Variants in MYO6 observed in about 807,000 individuals in gnomAD.
The protein encoded by MYO6 is unconventional myosin-VI.
In MYO6, 74 loss-of-function variants were observed where a neutral mutation model predicts 178.7. The ratio of observed to expected loss-of-function variants is 0.41; its 90% confidence interval spans 0.34 to 0.50. The LOEUF is 0.50. Ranked by LOEUF, MYO6 falls within the 20% of genes least tolerant of loss-of-function variation. The probability of loss-of-function intolerance (pLI) is 0.09; values close to 1 mark genes in which losing one functional copy is unlikely to be tolerated. For missense variants in MYO6, 1,330 were observed against 1,547.4 expected (o/e 0.86, Z 2.36); for synonymous variants, 477 against 504.6 (o/e 0.95, Z 0.73).
chr6:75,898,661 T>A (rs778936196), intron 30 of MYO6, among the ~76,000 whole-genome samples: 1 of 152,162 alleles, frequency 6.6e-6, no homozygotes, highest in Non-Finnish European at 1.5e-5. Flanking sequence ...CCCTTGGCAG[T>A]GGAACTCTAC....
chr6:75,828,682 T>C, intron 4 of MYO6, 69 bp downstream of exon 4: 1 of 1,034,952 alleles, frequency 9.7e-7, no homozygotes, highest in Non-Finnish European at 1.5e-6. Flanking sequence ...TTTGATTTTG[T>C]CACGCTTGAA....
At chr6:75,864,273 A>G (rs530605562) in intron 16 of MYO6, among the ~76,000 whole-genome samples, 1 of 152,344 alleles carries the variant, frequency 6.6e-6, no homozygotes, top group East Asian at 1.9e-4. Context: ...GTTTCTATTC[A>G]TCATTAACAA....
At chr6:75,788,462 T>C (rs186437764) in intron 1 of MYO6, among the ~76,000 whole-genome samples, 2 of 152,314 alleles carry the variant, frequency 1.3e-5, no homozygotes, top group East Asian at 1.9e-4. Context: ...CTTTCTCACC[T>C]TTATTCCCAC....
chr6:75,768,887 A>T (rs1398367969), intron 1 of MYO6, among the ~76,000 whole-genome samples: 1 of 152,226 alleles, frequency 6.6e-6, no homozygotes, highest in Non-Finnish European at 1.5e-5. Flanking sequence ...AGGGTTCTGT[A>T]GGATGTAGAA....
chr6:75,795,221 G>A (rs77110705), intron 1 of MYO6, among the ~76,000 whole-genome samples: 2,641 of 152,284 alleles, frequency 0.017, 72 homozygotes, highest in African/African-American at 0.06. Context: ...ATCATCCTAT[G>A]TTGGTGGTTA....
chr6:75,826,131 T>A (rs1772441622), intron 3 of MYO6, among the ~76,000 whole-genome samples: 1 of 152,184 alleles, frequency 6.6e-6, no homozygotes, highest in Admixed American at 6.5e-5. Flanking sequence ...CTTGTGGACA[T>A]ACCTAGGTCA....
At chr6:75,901,158 C>G (rs541363049) in intron 30 of MYO6, among the ~76,000 whole-genome samples, 1 of 152,126 alleles carries the variant, frequency 6.6e-6, no homozygotes, top group Admixed American at 6.5e-5. Context: ...AGTTTGAAGT[C>G]AGGTAGTGTG....
chr6:75,880,033 T>C lies in MYO6; in HGVS notation c.2209-10T>C. 1 of 1,613,456 alleles carries C rather than the reference T, an allele frequency of 6.2e-7. No individual in the cohort carries two copies. The highest frequency in any genetic ancestry group is 8.5e-7 in the Non-Finnish European group (1 of 1,179,730). On this transcript the variant is annotated splice_polypyrimidine_tract_variant and intron_variant, in intron 21 of 34. Transcript: ENST00000369977. ...AATTGACATTTAACTTTTTAACTTT[T>C]ATTTTTCAGGCTTTGTTTAAAGCTT...
At chr6:75,805,046 CAG>C (rs1487470608) in intron 1 of MYO6, among the ~76,000 whole-genome samples, 2 of 65,362 alleles carry the variant, frequency 3.1e-5, no homozygotes, top group East Asian at 9.3e-4. Context: ...TTTTTTGAGA[CAG>C]AGTCTCACTC....
At chr6:75,801,476 CTGTA>C (rs1437044235) in intron 1 of MYO6, among the ~76,000 whole-genome samples, 7 of 151,626 alleles carry the variant, frequency 4.6e-5, no homozygotes, top group African/African-American at 1.5e-4. Flanking sequence ...GAAAGGAAGA[CTGTA>C]TGGGCACAGA....
rs933973870 is a variant in MYO6, at chr6:75,764,281, T to A, written c.-48+14858T>A. ...CCCCACTTTTTCACTATAGCACTCATCACACCTGTGCCATTCTCCTTCGCT... is the reference window on the plus strand; with the variant it reads ...CCCCACTTTTTCACTATAGCACTCAACACACCTGTGCCATTCTCCTTCGCT... On this transcript the variant is annotated intron_variant, in intron 1 of 34. Coordinates refer to ENST00000369977, the MANE Select transcript of MYO6 (RefSeq NM_004999.4). 3.9e-5 allele frequency among the ~76,000 whole-genome samples: 6 copies of A among 152,166 alleles called. No individual in the cohort carries two copies. In the East Asian group the frequency reaches 1.2e-3, roughly 29 times the overall value.
chr6:75,850,861 T>A (rs1775197325), intron 11 of MYO6, among the ~76,000 whole-genome samples: 1 of 151,750 alleles, frequency 6.6e-6, no homozygotes, highest in South Asian at 2.1e-4. Context: ...AATGAGTAAG[T>A]ACAATTAAAA....
At position 75,855,199 on chromosome 6, in the gene MYO6, G is replaced by C. The variant is rs1490446690; in HGVS notation, c.1139G>C (p.Gly380Ala). Residue 380 changes from glycine to alanine, a missense_variant, in exon 12 of 35, where the codon GGT becomes GCT. Physicochemically the swap from Gly to Ala is moderately conservative, Grantham distance 60. This residue lies in a region of MYO6 where 613 missense variants were observed against 816.8 expected (regional missense o/e 0.75). Coordinates refer to ENST00000369977, the MANE Select transcript of MYO6 (RefSeq NM_004999.4). ...TTGGAATATTGTGCTGAATTACTGG[G>C]TTTGGACCAAGATGATCTTCGAGTA... ...QSLEYCAELL[G>A]LDQDDLRVSL... 5.6e-6 allele frequency: 9 copies of C among 1,613,336 alleles called. No homozygotes were observed. Among genetic ancestry groups the C allele is most frequent in the Non-Finnish European group, 6.8e-6 (8 of 1,179,558 alleles).
chr6:75,759,183 C>A (rs991549337), intron 1 of MYO6, among the ~76,000 whole-genome samples: 1 of 152,076 alleles, frequency 6.6e-6, no homozygotes, highest in East Asian at 1.9e-4. Flanking sequence ...TCTATAGATC[C>A]GGTCATTTCT....
In MYO6 at chr6:75,880,140, T is replaced by C. The variant is rs769631981; in HGVS notation, c.2286+20T>C. On this transcript the variant is annotated intron_variant, in intron 22 of 34. Transcript: ENST00000369977. ...GGCAAGGTAAATATACATTTTTTAC[T>C]TTAAACTGTAACATCATGAAAACAA... 1.3e-6 allele frequency: 2 copies of C among 1,544,882 alleles called. No individual in the cohort carries two copies. The highest frequency in any genetic ancestry group is 2.3e-5 in the South Asian group (2 of 88,552).
chr6:75,778,057 G>C (rs545682906), intron 1 of MYO6, among the ~76,000 whole-genome samples: 6 of 152,044 alleles, frequency 3.9e-5, no homozygotes, highest in South Asian at 4.2e-4. Flanking sequence ...ACAGAGTCTT[G>C]CTGTATTGCC....
At chr6:75,844,182 A>G (rs1277559909) in intron 9 of MYO6, among the ~76,000 whole-genome samples, 3 of 152,188 alleles carry the variant, frequency 2.0e-5, no homozygotes, top group Admixed American at 6.5e-5. Context: ...CAAGCCTTCA[A>G]TTGTGAGACT....
chr6:75,831,845 A>G (rs1280056), intron 5 of MYO6, among the ~76,000 whole-genome samples: 90,788 of 150,648 alleles, frequency 0.6, 28,260 homozygotes, highest in East Asian at 0.77. Flanking sequence ...AGGTGAAGTC[A>G]TGCCACTATA....
intron 1 of MYO6, among the ~76,000 whole-genome samples, chr6:75,764,277 C>G (rs904515699): frequency 1.3e-5 from 2 of 152,150 alleles, no homozygotes; most frequent in African/African-American, 2.4e-5. Flanking sequence ...CACTATAGCA[C>G]TCATCACACC....
Sources: gnomAD v4.1 joint callset for allele counts (sites outside exome capture counted in the v4.1 genomes callset) on GRCh38, gnomAD v4.1.1 for gene constraint, gnomAD v4.1.1 regional missense constraint, MANE v1.5 for transcripts, NCBI Gene and HGNC (gene_info 2026-07-23, HGNC 2026-07-21) for gene names.